Variants in GNB1L observed in about 807,000 individuals in gnomAD.
GNB1L encodes G protein subunit beta 1 like, also known as guanine nucleotide-binding protein subunit beta-like protein 1.
In GNB1L, 20 loss-of-function variants were observed where a neutral mutation model predicts 29.1. The observed-to-expected ratio is 0.69, with a 90% CI of 0.48 to 1.00. The LOEUF is 1.00. GNB1L is among the 50% of genes least tolerant of loss of function. The pLI is 0.00. For missense variants in GNB1L, 421 were observed against 464.9 expected, an observed-to-expected ratio of 0.91 and a Z score of 0.87; for synonymous variants, 193 against 206.5, an observed-to-expected ratio of 0.93 and a Z score of 0.56.
chr22:19,823,062 C>T (rs964270327), intron 2 of GNB1L, among the ~76,000 whole-genome samples: 20 of 152,286 alleles, frequency 1.3e-4, no homozygotes, highest in Admixed American at 1.0e-3. Context: ...GACTCCAGGG[C>T]GCAGGTCCAC....
intron 2 of GNB1L, among the ~76,000 whole-genome samples, chr22:19,826,976 T>C (rs1007448706): frequency 1.3e-5 from 2 of 152,118 alleles, no homozygotes; most frequent in Non-Finnish European, 2.9e-5. Flanking sequence ...GCTGGGTAAC[T>C]TCCACATTAA....
At chr22:19,802,325 T>C in intron 6 of GNB1L, 109 bp from the exon 7 acceptor site, 1 of 812,466 alleles carries the variant, frequency 1.2e-6, no homozygotes, top group Non-Finnish European at 2.0e-6. Flanking sequence ...CTGGGGCTGT[T>C]TCCCATGTCT....
intron 2 of GNB1L, chr22:19,848,347 G>A: frequency 1.0e-6 from 1 of 985,456 alleles, no homozygotes; most frequent in Non-Finnish European, 1.2e-6. Context: ...CCTGCCTTCG[G>A]GTCTGCCAGT....
intron 3 of GNB1L, 105 bp downstream of exon 3, chr22:19,821,123 C>T: frequency 5.1e-6 from 6 of 1,184,752 alleles, no homozygotes; most frequent in Non-Finnish European, 7.2e-6. Context: ...GCGAGCAGTC[C>T]ATGCCCCTTG....
chr22:19,819,899 C>A (rs1255145209), intron 4 of GNB1L, among the ~76,000 whole-genome samples: 1 of 152,118 alleles, frequency 6.6e-6, no homozygotes, highest in African/African-American at 2.4e-5. Flanking sequence ...TGTGGGACAG[C>A]ACTATACACC....
rs1937525265 is a variant in GNB1L, at chr22:19,816,572, A to G, written c.254+4026T>C. 6.6e-6 allele frequency among the ~76,000 whole-genome samples: 1 copy of G among 152,058 alleles called. No individual in the cohort carries two copies. Among genetic ancestry groups the G allele is most frequent in the Admixed American group, 6.6e-5 (1 of 15,246 alleles). On this transcript the variant is annotated intron_variant, in intron 4 of 7. Transcript: ENST00000329517. This position sits in a 1 kb window ranked among gnomAD's most constrained non-coding sequence, Gnocchi z 4.4. Reference sequence around the variant, plus strand: ...CACCAGGCCCCTCCGCACACGGGCTAGGGAACACACACATGCCTCACATGC... The same window carrying G: ...CACCAGGCCCCTCCGCACACGGGCTGGGGAACACACACATGCCTCACATGC...
At chr22:19,850,589 C>T (rs1938071144) in intron 2 of GNB1L, 3 of 1,182,432 alleles carry the variant, frequency 2.5e-6, no homozygotes, top group South Asian at 8.7e-5. Context: ...CCACAGGAAA[C>T]ATCATTCTTT....
chr22:19,843,554 C>A (rs1387183446), intron 2 of GNB1L, among the ~76,000 whole-genome samples: 1 of 152,174 alleles, frequency 6.6e-6, no homozygotes, highest in Non-Finnish European at 1.5e-5. Context: ...ATAAGGTATG[C>A]CCCCCAAGAA....
In GNB1L at chr22:19,820,598, C is replaced by T; in HGVS notation, c.254G>A (p.Ser85Asn). 1 of 1,611,650 alleles carries T rather than the reference C, an allele frequency of 6.2e-7. No individual in the cohort carries two copies. Among genetic ancestry groups the T allele is most frequent in the Non-Finnish European group, 8.5e-7 (1 of 1,179,248 alleles). ...QTLPQGRQLL[S>N]QGRDLKLCLW... ...TGGCTCCTGCACCTTGGAGACCCAC[C>T]TGAGGAGCTGGCGCCCCTGGGGCAG... The change falls in exon 4 of 8, where the codon AGT becomes AAT. Residue 85 changes from serine (S) to asparagine (N), a missense_variant and splice_region_variant. Coordinates refer to ENST00000329517, the MANE Select transcript of GNB1L (RefSeq NM_053004.3).
At chr22:19,847,486 C>T (rs922984136) in intron 2 of GNB1L, 1 of 985,364 alleles carries the variant, frequency 1.0e-6, no homozygotes, top group African/African-American at 1.7e-5. Flanking sequence ...TTCAACCCTT[C>T]TAACCACCCC....
At chr22:19,853,273 C>A (rs1569059356) in intron 2 of GNB1L, among the ~76,000 whole-genome samples, 1 of 152,166 alleles carries the variant, frequency 6.6e-6, no homozygotes, top group Non-Finnish European at 1.5e-5. Context: ...TCTGCTCCCG[C>A]CACTCCAGTC....
chr22:19,790,322 T>C (rs867727975), intron 7 of GNB1L, among the ~76,000 whole-genome samples: 57 of 152,248 alleles, frequency 3.7e-4, no homozygotes, highest in African/African-American at 1.3e-3. Flanking sequence ...GGGATGGTTG[T>C]TAAGTTCACT....
chr22:19,842,020 G>A (rs903573208), intron 2 of GNB1L, among the ~76,000 whole-genome samples: 1 of 152,196 alleles, frequency 6.6e-6, no homozygotes, highest in Non-Finnish European at 1.5e-5. Context: ...TGGTGAATGG[G>A]CTCCCTCCCA....
intron 2 of GNB1L, among the ~76,000 whole-genome samples, chr22:19,831,702 T>G (rs1215329220): frequency 6.7e-6 from 1 of 148,508 alleles, no homozygotes; most frequent in South Asian, 2.1e-4. Context: ...AAAAAAAAAA[T>G]AAAAGAAATA....
intron 2 of GNB1L, chr22:19,850,243 T>G (rs1938062501): frequency 1.0e-6 from 1 of 985,422 alleles, no homozygotes. Flanking sequence ...CAGCCAGTAA[T>G]CCAACACGTG....
intron 5 of GNB1L, among the ~76,000 whole-genome samples, chr22:19,811,307 A>C (rs1219107057): frequency 6.6e-6 from 1 of 152,106 alleles, no homozygotes; most frequent in Non-Finnish European, 1.5e-5. Flanking sequence ...AGCCCCAAAG[A>C]CTGCCCGGGC....
At chr22:19,832,951 C>T (rs929505608) in intron 2 of GNB1L, among the ~76,000 whole-genome samples, 5 of 152,188 alleles carry the variant, frequency 3.3e-5, no homozygotes, top group African/African-American at 1.2e-4. Flanking sequence ...ACCAAAGCAG[C>T]ATGTCAAAAG....
rs1051871223 is a variant in GNB1L at position 19,849,779 on chromosome 22, T to C, written c.-21+4664A>G. The C allele has an allele frequency of 7.1e-6, 7 of 985,334 alleles. No homozygotes were observed. The African/African-American group carries it at 1.0e-4, about 15-fold the overall frequency. The allele number at this position is 985,334 out of a possible 1,614,324, so 61.0% of individuals were successfully genotyped here. A position where few individuals can be genotyped will look rare whatever the true frequency, so the allele number is the denominator to read the frequency against. On this transcript the variant is annotated intron_variant, in intron 2 of 7. Transcript: ENST00000329517. ...CTTCCTACTTTCCAGGAAGGTGTTG[T>C]TTTGTTGTTTTCACAATTGTAAACC...
At chr22:19,800,928 G>GC (rs926503534) in intron 7 of GNB1L, among the ~76,000 whole-genome samples, 3 of 152,212 alleles carry the variant, frequency 2.0e-5, no homozygotes, top group African/African-American at 7.2e-5. Context: ...AACCCTCCCC[G>GC]CCCCACAGGG....
Sources: allele counts gnomAD v4.1 joint callset (sites outside exome capture counted in the v4.1 genomes callset), GRCh38; gene constraint gnomAD v4.1.1; non-coding constraint Gnocchi (gnomAD v3.1); transcripts MANE v1.5; gene names NCBI Gene and HGNC (gene_info 2026-07-23, HGNC 2026-07-21).